The following ROBO2 variants were observed in gnomAD, a reference collection of about 807,000 sequenced individuals.
The protein encoded by ROBO2 is roundabout homolog 2.
ROBO2 carries 53 observed loss-of-function variants against 160.8 expected under a neutral mutation model. The ratio of observed to expected loss-of-function variants is 0.33; its 90% CI spans 0.26 to 0.41. The LOEUF is 0.41. ROBO2 is among the 10% of genes least tolerant of loss of function. The pLI is 1.00. For missense variants in ROBO2, 1,577 were observed against 1,722.4 expected (o/e 0.92, Z 1.49); for synonymous variants, 664 against 611.7 (o/e 1.09, Z -1.26).
intron 2 of ROBO2, among the ~76,000 whole-genome samples, chr3:77,422,190 T>C (rs151063437): frequency 1.9e-3 from 283 of 152,308 alleles, no homozygotes; most frequent in African/African-American, 6.1e-3. Context: ...CTCGGTTTTA[T>C]GGAACTGTAC....
chr3:76,806,796 G>A (rs557166121), intron 2 of ROBO2, among the ~76,000 whole-genome samples: 41 of 152,058 alleles, frequency 2.7e-4, no homozygotes, highest in Middle Eastern at 3.4e-3. Context: ...ACAGATATAC[G>A]TATACATATC....
chr3:77,067,922 T>A (rs909957921), intron 1 of ROBO2, among the ~76,000 whole-genome samples: 4 of 152,178 alleles, frequency 2.6e-5, no homozygotes, highest in African/African-American at 7.2e-5. Flanking sequence ...TACTTTAAAA[T>A]CATAATTATT....
At chr3:76,869,341 T>C (rs1487883425) in intron 2 of ROBO2, among the ~76,000 whole-genome samples, 1 of 120,952 alleles carries the variant, frequency 8.3e-6, no homozygotes, top group Admixed American at 8.7e-5. Flanking sequence ...TAGAAATTGA[T>C]GTTTTTTTTT....
At chr3:76,067,392 G>A (rs1234400177) in intron 2 of ROBO2, among the ~76,000 whole-genome samples, 1 of 152,070 alleles carries the variant, frequency 6.6e-6, no homozygotes, top group Non-Finnish European at 1.5e-5. Context: ...CAAATGTTTG[G>A]AAAACATGGT....
At chr3:76,067,552 C>A (rs906901239) in intron 2 of ROBO2, among the ~76,000 whole-genome samples, 5 of 151,948 alleles carry the variant, frequency 3.3e-5, no homozygotes, top group African/African-American at 7.2e-5. Context: ...AGGCTCCATA[C>A]AATTAAGTAG....
At chr3:77,212,236 C>T (rs561579857) in intron 2 of ROBO2, among the ~76,000 whole-genome samples, 3 of 152,244 alleles carry the variant, frequency 2.0e-5, no homozygotes, top group South Asian at 2.1e-4. Context: ...TTGTTTGTAT[C>T]GTCTTTTATT....
intron 2 of ROBO2, among the ~76,000 whole-genome samples, chr3:76,854,079 CCT>C (rs148459468): frequency 3.0e-5 from 4 of 132,416 alleles, no homozygotes; most frequent in Admixed American, 1.6e-4. Flanking sequence ...TCTCTGTCTG[CCT>C]CTCTCTCTCT....
At chr3:77,183,542 G>GC (rs765110772) in intron 2 of ROBO2, among the ~76,000 whole-genome samples, 3 of 151,872 alleles carry the variant, frequency 2.0e-5, no homozygotes, top group Non-Finnish European at 2.9e-5. Flanking sequence ...GAATAAGATG[G>GC]CCATCAAGGG....
intron 2 of ROBO2, among the ~76,000 whole-genome samples, chr3:77,443,133 C>T (rs2080123226): frequency 6.6e-6 from 1 of 152,130 alleles, no homozygotes; most frequent in Non-Finnish European, 1.5e-5. Context: ...ATGGAAAGAA[C>T]AATGAATGTA....
At chr3:76,416,375 A>G (rs1449349761) in intron 2 of ROBO2, among the ~76,000 whole-genome samples, 2 of 152,100 alleles carry the variant, frequency 1.3e-5, no homozygotes, top group Non-Finnish European at 2.9e-5. Flanking sequence ...GTAGCTTTGA[A>G]AGGATTATTT....
chr3:76,934,700 G>A (rs1001455992), intron 2 of ROBO2, among the ~76,000 whole-genome samples: 7 of 152,042 alleles, frequency 4.6e-5, no homozygotes, highest in East Asian at 1.9e-4. Context: ...GAGATATACC[G>A]CCACTGCACT....
chr3:76,677,163 G>C (rs1444191250), intron 2 of ROBO2, among the ~76,000 whole-genome samples: 1 of 151,776 alleles, frequency 6.6e-6, no homozygotes, highest in African/African-American at 2.4e-5. Context: ...GTATCACTAT[G>C]TACCCAAACA....
chr3:77,559,147 G>T (rs538363163), intron 9 of ROBO2, among the ~76,000 whole-genome samples: 13 of 152,174 alleles, frequency 8.5e-5, no homozygotes, highest in Non-Finnish European at 1.8e-4. Context: ...AGTCAGCAAG[G>T]AAGAGAGTCT....
chr3:76,812,909 A>ATT (rs71104626), intron 2 of ROBO2, among the ~76,000 whole-genome samples: 2,511 of 104,614 alleles, frequency 0.024, 115 homozygotes, highest in African/African-American at 0.026. Context: ...AGAAGTATAA[A>ATT]TTTTTTTTTT....
At chr3:76,234,183 G>T (rs757547914) in intron 2 of ROBO2, among the ~76,000 whole-genome samples, 2 of 152,116 alleles carry the variant, frequency 1.3e-5, no homozygotes, top group Non-Finnish European at 2.9e-5. Flanking sequence ...AGTATTCCAC[G>T]TGTATATGTA....
chr3:76,430,219 T>G (rs1300870235), intron 2 of ROBO2, among the ~76,000 whole-genome samples: 1 of 152,154 alleles, frequency 6.6e-6, no homozygotes, highest in Non-Finnish European at 1.5e-5. Context: ...TTCCACCCAC[T>G]ACCTTGGACA....
At chr3:76,582,854 G>T (rs1232466469) in intron 2 of ROBO2, among the ~76,000 whole-genome samples, 2 of 152,010 alleles carry the variant, frequency 1.3e-5, no homozygotes, top group Non-Finnish European at 2.9e-5. Context: ...TTCCTAACAT[G>T]TGAACCTATT....
intron 1 of ROBO2, among the ~76,000 whole-genome samples, chr3:75,907,277 CT>C (rs1452203681): frequency 6.6e-6 from 1 of 152,108 alleles, no homozygotes; most frequent in African/African-American, 2.4e-5. Flanking sequence ...CCTTTTTGGC[CT>C]TCTGTCCTTC....
At chr3:77,196,248 G>A (rs1452720639) in intron 2 of ROBO2, among the ~76,000 whole-genome samples, 1 of 151,754 alleles carries the variant, frequency 6.6e-6, no homozygotes, top group African/African-American at 2.4e-5. Flanking sequence ...ATACATTGTA[G>A]TACGAATGTC....
Sources: gnomAD v4.1 joint callset for allele counts (sites outside exome capture counted in the v4.1 genomes callset) on GRCh38, gnomAD v4.1.1 for gene constraint, MANE v1.5 for transcripts, NCBI Gene and HGNC (gene_info 2026-07-23, HGNC 2026-07-21) for gene names.